Variants in LDB2 observed in about 807,000 individuals in gnomAD.
LDB2 encodes the protein LIM domain-binding protein 2.
In LDB2, 12 loss-of-function variants were observed where a neutral mutation model predicts 44.3. The observed-to-expected ratio is 0.27, with a 90% CI of 0.17 to 0.44. The LOEUF is 0.44. Ranked by LOEUF, LDB2 falls within the 20% of genes least tolerant of loss-of-function variation. LDB2 has a pLI of 1.00. For synonymous variants in LDB2, 164 were observed against 174.8 expected (o/e 0.94, Z 0.49); for missense variants, 344 against 473.5 (o/e 0.73, Z 2.54).
At chr4:16,755,304 G>A (rs1766304624) in intron 2 of LDB2, among the ~76,000 whole-genome samples, 2 of 152,184 alleles carry the variant, frequency 1.3e-5, no homozygotes, top group African/African-American at 2.4e-5. Context: ...ACTTAGAACT[G>A]CAGAGCAGGT....
At chr4:16,589,172 A>C (rs1718020291) in intron 3 of LDB2, among the ~76,000 whole-genome samples, 1 of 152,216 alleles carries the variant, frequency 6.6e-6, no homozygotes, top group Admixed American at 6.5e-5. Flanking sequence ...CTCCACTTTC[A>C]TCATCCTTCA....
chr4:16,758,835 G>A (rs573865903), intron 2 of LDB2, among the ~76,000 whole-genome samples: 4 of 152,146 alleles, frequency 2.6e-5, no homozygotes, highest in Admixed American at 6.5e-5. Context: ...AGTGTGAACC[G>A]TCAAGGATAA....
At chr4:16,791,352 C>T (rs932885323) in intron 1 of LDB2, among the ~76,000 whole-genome samples, 3 of 151,854 alleles carry the variant, frequency 2.0e-5, no homozygotes, top group Non-Finnish European at 4.4e-5. Flanking sequence ...GTCAGGAGTT[C>T]GAGACCAGCC....
chr4:16,567,379 TGTGTGCGC>T (rs1560497096), intron 5 of LDB2, among the ~76,000 whole-genome samples: 225 of 59,916 alleles, frequency 3.8e-3, no homozygotes, highest in Non-Finnish European at 5.4e-3. Flanking sequence ...TGTGTGTGTG[TGTGTGCGC>T]GTGTGTGCAT....
intron 5 of LDB2, among the ~76,000 whole-genome samples, chr4:16,530,344 T>G (rs1306908148): frequency 2.0e-5 from 3 of 152,216 alleles, no homozygotes; most frequent in Non-Finnish European, 4.4e-5. Flanking sequence ...TGCTTTCAGT[T>G]GGGTCTAGTC....
chr4:16,710,804 C>T (rs935276864), intron 2 of LDB2, among the ~76,000 whole-genome samples: 1 of 152,142 alleles, frequency 6.6e-6, no homozygotes, highest in African/African-American at 2.4e-5. Flanking sequence ...CTTCTCAATT[C>T]CAGCCCACTG....
At chr4:16,881,066 A>C (rs555890886) in intron 1 of LDB2, among the ~76,000 whole-genome samples, 5 of 152,292 alleles carry the variant, frequency 3.3e-5, no homozygotes, top group Non-Finnish European at 7.4e-5. Flanking sequence ...TCACTGAGGA[A>C]CCAAAATCGA....
intron 5 of LDB2, among the ~76,000 whole-genome samples, chr4:16,539,381 A>C (rs1732972735): frequency 6.6e-6 from 1 of 152,186 alleles, no homozygotes; most frequent in African/African-American, 2.4e-5. Flanking sequence ...ATGGTACTTC[A>C]AGGAAAAAGG....
intron 2 of LDB2, among the ~76,000 whole-genome samples, chr4:16,613,820 T>C (rs776374153): frequency 9.9e-5 from 15 of 152,152 alleles, no homozygotes; most frequent in Non-Finnish European, 1.8e-4. Context: ...GAAGAATCGA[T>C]ATTGAGAAAA....
chr4:16,821,745 G>GCAAAA (rs1782077524), intron 1 of LDB2, among the ~76,000 whole-genome samples: 1 of 11,452 alleles, frequency 8.7e-5, no homozygotes, highest in Non-Finnish European at 2.2e-4. Flanking sequence ...CAACATTAAA[G>GCAAAA]CAAAAAAAAA....
chr4:16,888,699 A>G, intron 1 of LDB2: 8 of 984,198 alleles, frequency 8.1e-6, no homozygotes, highest in Non-Finnish European at 8.4e-6. Flanking sequence ...GATAGAATCC[A>G]GAATAAGTGT....
At chr4:16,612,954 T>C (rs1726103157) in intron 2 of LDB2, among the ~76,000 whole-genome samples, 1 of 152,126 alleles carries the variant, frequency 6.6e-6, no homozygotes, top group Non-Finnish European at 1.5e-5. Flanking sequence ...AAATCCTCAA[T>C]AAAATACTGG....
At chr4:16,737,837 GT>G (rs927342810) in intron 2 of LDB2, among the ~76,000 whole-genome samples, 15 of 152,148 alleles carry the variant, frequency 9.9e-5, no homozygotes, top group African/African-American at 3.6e-4. Context: ...TCTTTCTTTT[GT>G]TTTTCTGTGT....
intron 1 of LDB2, among the ~76,000 whole-genome samples, chr4:16,820,468 GA>G (rs1243203552): frequency 6.6e-6 from 1 of 152,096 alleles, no homozygotes; most frequent in East Asian, 1.9e-4. Context: ...TATAGAGGGG[GA>G]AAAACCGTCA....
intron 1 of LDB2, among the ~76,000 whole-genome samples, chr4:16,870,358 C>T (rs566289115): frequency 4.6e-5 from 7 of 152,082 alleles, no homozygotes; most frequent in African/African-American, 9.7e-5. Flanking sequence ...GTCCAACTTC[C>T]GTATCTTACA....
chr4:16,600,628 A>G (rs1722316900), intron 2 of LDB2, among the ~76,000 whole-genome samples: 1 of 152,184 alleles, frequency 6.6e-6, no homozygotes, highest in South Asian at 2.1e-4. Context: ...GATTTAATTC[A>G]TAGCTAATTG....
At chr4:16,755,149 T>C (rs527920610) in intron 2 of LDB2, among the ~76,000 whole-genome samples, 5 of 152,308 alleles carry the variant, frequency 3.3e-5, no homozygotes, top group Admixed American at 3.3e-4. Context: ...TGGTTGTGAC[T>C]GTCATAAGGC....
chr4:16,538,028 G>A (rs570504318), intron 5 of LDB2, among the ~76,000 whole-genome samples: 5 of 152,322 alleles, frequency 3.3e-5, no homozygotes, highest in East Asian at 1.9e-4. Context: ...AGGTACTTGG[G>A]CATGGCTGAT....
intron 1 of LDB2, among the ~76,000 whole-genome samples, chr4:16,858,972 G>C (rs992786946): frequency 2.6e-5 from 4 of 152,170 alleles, no homozygotes; most frequent in Non-Finnish European, 5.9e-5. Flanking sequence ...AGAGTCTTCA[G>C]ATAGAACTTT....
Sources: gnomAD v4.1 joint callset for allele counts (sites outside exome capture counted in the v4.1 genomes callset) on GRCh38, gnomAD v4.1.1 for gene constraint, MANE v1.5 for transcripts, NCBI Gene and HGNC (gene_info 2026-07-23, HGNC 2026-07-21) for gene names.